Variants in RBM25 observed in about 807,000 individuals in gnomAD.
The protein encoded by RBM25 is RNA-binding protein 25.
In RBM25, 19 loss-of-function variants were observed where a neutral mutation model predicts 120.7. The ratio of observed to expected loss-of-function variants is 0.16; its 90% CI spans 0.11 to 0.23. The LOEUF (loss-of-function observed/expected upper bound fraction) is 0.23. RBM25 is among the 10% of genes least tolerant of loss of function. RBM25 has a pLI of 1.00. For missense variants in RBM25, 605 were observed against 1,041.5 expected (o/e 0.58, Z 5.77); for synonymous variants, 390 against 326.7 (o/e 1.19, Z -2.09).
chr14:73,077,821 C>G (rs903406365), intron 4 of RBM25, among the ~76,000 whole-genome samples: 1 of 152,158 alleles, frequency 6.6e-6, no homozygotes, highest in African/African-American at 2.4e-5. Flanking sequence ...CATTTATCTC[C>G]TAAGAGCAAG....
chr14:73,078,336 T>TA (rs201495739), intron 4 of RBM25, among the ~76,000 whole-genome samples: 17 of 148,922 alleles, frequency 1.1e-4, no homozygotes, highest in African/African-American at 4.0e-4. Context: ...AAAATAAAAA[T>TA]AAAAAAAAAG....
rs557497029 is a variant in RBM25, at chr14:73,085,064, G to C, written c.382+1513G>C. 1.1e-3 allele frequency among the ~76,000 whole-genome samples: 168 copies of C among 151,774 alleles called. 1 individual carries two copies. The highest frequency in any genetic ancestry group is 5.1e-3 in the Admixed American group (77 of 15,236). ...AGACAGAGTCTTGTTATGTTGCCAG[G>C]CTGGAGTGCAGTGGCATAATCTTGG... On this transcript the variant is annotated intron_variant, in intron 5 of 18. Coordinates refer to ENST00000261973, the MANE Select transcript of RBM25 (RefSeq NM_021239.3).
At chr14:73,116,469 A>G (rs777046535) in intron 18 of RBM25, among the ~76,000 whole-genome samples, 1 of 152,224 alleles carries the variant, frequency 6.6e-6, no homozygotes, top group Non-Finnish European at 1.5e-5. Context: ...AAGCCAGATA[A>G]CATTCCTTTT....
chr14:73,102,860 A>G (rs779643646), intron 9 of RBM25: 10 of 227,594 alleles, frequency 4.4e-5, no homozygotes, highest in Admixed American at 1.5e-4. Flanking sequence ...GTTTTAACCA[A>G]TGATCGTATT....
Position 73,097,112 on chromosome 14 carries a change from GACA to G in RBM25, c.729+19_729+21del, listed in dbSNP as rs761297337. 5.7e-6 allele frequency: 9 copies of G among 1,577,932 alleles called. No homozygotes were observed. The highest frequency in any genetic ancestry group is 1.4e-5 in the African/African-American group (1 of 72,848). Reference sequence around the variant, plus strand: ...AAAAGAAGGAGGACGTATGTGTTCTGACAACAACATATCATTTCTACCGTTTGT... The same window carrying G: ...AAAAGAAGGAGGACGTATGTGTTCTGACAACATATCATTTCTACCGTTTGT... On this transcript the variant is annotated intron_variant, in intron 7 of 18. Transcript: ENST00000261973.
At position 73,122,704 on chromosome 14, in the gene RBM25, G is replaced by A. The variant is rs977706361; in HGVS notation, c.*2899G>A. 2 of 152,174 alleles carry A rather than the reference G, an allele frequency of 1.3e-5. No individual in the cohort carries two copies. Among genetic ancestry groups the A allele is most frequent in the Non-Finnish European group, 2.9e-5 (2 of 68,030 alleles). The allele number at this position is 152,174 out of a possible 1,614,324, so 9.4% of individuals were successfully genotyped here. A position where few individuals can be genotyped will look rare whatever the true frequency, so the allele number is the denominator to read the frequency against. On this transcript the variant is annotated 3_prime_UTR_variant, in exon 19 of 19. Transcript: ENST00000261973. The stretch of plus-strand genomic sequence containing the variant: ...AAGGAAGAAAGGTAAGTTTGAAGTT[G>A]TTTTTCTTAAACTTTAATGTGACCC...
At chr14:73,067,922 A>G (rs1285703418) in intron 1 of RBM25, among the ~76,000 whole-genome samples, 1 of 152,134 alleles carries the variant, frequency 6.6e-6, no homozygotes, top group East Asian at 1.9e-4. Flanking sequence ...TATATGTATC[A>G]TTAATTCTTA....
intron 5 of RBM25, among the ~76,000 whole-genome samples, chr14:73,087,205 C>A (rs1895707039): frequency 6.6e-6 from 1 of 152,050 alleles, no homozygotes; most frequent in Admixed American, 6.6e-5. Context: ...TTAAAGTCAT[C>A]TTAATAGTGA....
chr14:73,095,606 C>CA (rs202107039), intron 6 of RBM25, among the ~76,000 whole-genome samples: 30,337 of 128,530 alleles, frequency 0.24, 3,279 homozygotes, highest in East Asian at 0.44. Context: ...GACTCCGCCT[C>CA]AAAAAAAAAA....
At chr14:73,116,475 C>T (rs943356597) in intron 18 of RBM25, among the ~76,000 whole-genome samples, 26 of 152,194 alleles carry the variant, frequency 1.7e-4, no homozygotes, top group Admixed American at 2.0e-4. Flanking sequence ...GATAACATTC[C>T]TTTTCTGCTG....
intron 6 of RBM25, among the ~76,000 whole-genome samples, chr14:73,095,075 C>T (rs548135416): frequency 2.0e-5 from 3 of 151,970 alleles, no homozygotes; most frequent in African/African-American, 4.8e-5. Context: ...AGGCAGGTCT[C>T]GAACTCCTGA....
At chr14:73,079,077 T>G (rs901442728) in intron 4 of RBM25, among the ~76,000 whole-genome samples, 1 of 151,260 alleles carries the variant, frequency 6.6e-6, no homozygotes, top group Non-Finnish European at 1.5e-5. Context: ...TTTTAAGATT[T>G]TATCTTGATG....
intron 9 of RBM25, chr14:73,100,342 G>T: frequency 1.5e-6 from 1 of 686,296 alleles, no homozygotes; most frequent in Non-Finnish European, 2.7e-6. Context: ...TCTCAGCTTG[G>T]AAAGTAACAA....
intron 5 of RBM25, among the ~76,000 whole-genome samples, chr14:73,087,295 C>T (rs1166723164): frequency 6.6e-6 from 1 of 152,014 alleles, no homozygotes; most frequent in South Asian, 2.1e-4. Flanking sequence ...TTTAACATCT[C>T]AGAATTGAAA....
intron 10 of RBM25, among the ~76,000 whole-genome samples, chr14:73,104,940 G>T (rs1380265603): frequency 6.6e-6 from 1 of 151,678 alleles, no homozygotes; most frequent in East Asian, 1.9e-4. Flanking sequence ...GTCCATTCCT[G>T]ATACAGTCAT....
chr14:73,083,919 A>C lies in RBM25; in HGVS notation c.382+368A>C, dbSNP rs532529419. On this transcript the variant is annotated intron_variant, in intron 5 of 18. Transcript: ENST00000261973. ...TTAACTTTTTTTTTTTTTTTTTGAG[A>C]CCTAGTCTCACTCTGTCACCCAGGC... Among the ~76,000 whole-genome samples the C allele has an allele frequency of 2.7e-5, 4 of 146,652 alleles. No homozygotes were observed. In the East Asian group the frequency reaches 5.9e-4, roughly 22 times the overall value.
chr14:73,076,933 T>C (rs955428117), intron 3 of RBM25, among the ~76,000 whole-genome samples: 3 of 152,098 alleles, frequency 2.0e-5, no homozygotes, highest in South Asian at 4.1e-4. Context: ...TACAAAAAAT[T>C]ATCTAGGCTT....
chr14:73,105,951 A>G lies in RBM25; in HGVS notation c.1247A>G (p.Glu416Gly). The G allele has an allele frequency of 6.2e-7, 1 of 1,613,576 alleles. No individual in the cohort carries two copies. The highest frequency in any genetic ancestry group is 8.5e-7 in the Non-Finnish European group (1 of 1,179,748). Residue 416 changes from glutamate to glycine, a missense_variant, in exon 11 of 19, where the codon GAG (glutamate) becomes GGG (glycine). Glu to Gly is a moderately conservative substitution (Grantham distance 98, BLOSUM62 -2). This residue lies in a region of RBM25 where 465 missense variants were observed against 741.6 expected (regional missense o/e 0.63). Coordinates refer to ENST00000261973, the MANE Select transcript of RBM25 (RefSeq NM_021239.3). ...GAACGAGAACGGGAGCGAGAGAGAGAGCGAGAGAGGGAACGGGAGCGAGAA... is the reference window on the plus strand; with the variant it reads ...GAACGAGAACGGGAGCGAGAGAGAGGGCGAGAGAGGGAACGGGAGCGAGAA... ...ERERERERER[E>G]RERERERERE...
At chr14:73,069,506 A>C (rs189954944) in intron 1 of RBM25, among the ~76,000 whole-genome samples, 9 of 152,010 alleles carry the variant, frequency 5.9e-5, no homozygotes, top group Non-Finnish European at 1.2e-4. Context: ...GTGCAATGGC[A>C]CACTACAATC....
Sources: gnomAD v4.1 joint callset for allele counts (sites outside exome capture counted in the v4.1 genomes callset) on GRCh38, gnomAD v4.1.1 for gene constraint, gnomAD v4.1.1 regional missense constraint, MANE v1.5 for transcripts, NCBI Gene and HGNC (gene_info 2026-07-23, HGNC 2026-07-21) for gene names.